The following LZTFL1 variants were observed in gnomAD, a reference collection of about 807,000 sequenced individuals.
LZTFL1 encodes leucine zipper transcription factor like 1.
Under a neutral mutation model 45.9 loss-of-function variants are expected in LZTFL1, and 25 were observed. That is an observed-to-expected ratio of 0.54 (90% confidence interval 0.40 to 0.76). The LOEUF is 0.76. LZTFL1 is among the 30% of genes least tolerant of loss of function. The pLI, the probability that LZTFL1 is intolerant of heterozygous loss-of-function variation, is 0.00. For missense variants in LZTFL1, 277 were observed against 331.1 expected (o/e 0.84, Z 1.27); for synonymous variants, 93 against 117.4 (o/e 0.79, Z 1.35).
chr3:45,881,069 A>G (rs1030647025), intron 2 of LZTFL1, among the ~76,000 whole-genome samples: 2 of 152,230 alleles, frequency 1.3e-5, no homozygotes, highest in East Asian at 3.8e-4. Context: ...TGAGACAAAT[A>G]AAAATAAAAA....
intron 3 of LZTFL1, among the ~76,000 whole-genome samples, chr3:45,857,645 T>C (rs1701415024): frequency 6.6e-6 from 1 of 152,248 alleles, no homozygotes; most frequent in Admixed American, 6.5e-5. Context: ...TTTAAATATT[T>C]AAAGTAAACA....
At chr3:45,909,412 C>A (rs537141074) in intron 2 of LZTFL1, among the ~76,000 whole-genome samples, 6 of 152,286 alleles carry the variant, frequency 3.9e-5, no homozygotes, top group Non-Finnish European at 7.4e-5. Flanking sequence ...ACATTCTGTC[C>A]ATTTTTGGTT....
At chr3:45,831,301 C>T (rs975814028) in intron 5 of LZTFL1, among the ~76,000 whole-genome samples, 163 bp from the exon 6 acceptor site, 1 of 152,232 alleles carries the variant, frequency 6.6e-6, no homozygotes. Context: ...TCCAGCCTAT[C>T]AGCCTCAGTA....
At chr3:45,833,744 T>G (rs536835618) in intron 4 of LZTFL1, among the ~76,000 whole-genome samples, 1 of 152,290 alleles carries the variant, frequency 6.6e-6, no homozygotes, top group South Asian at 2.1e-4. Context: ...AACAATGGAG[T>G]ATTTACGGTG....
chr3:45,897,216 TATGAGTGTGAGTC>T (rs1702383597), intron 2 of LZTFL1, among the ~76,000 whole-genome samples: 1 of 152,180 alleles, frequency 6.6e-6, no homozygotes, highest in Non-Finnish European at 1.5e-5. Flanking sequence ...TGTGCAAAAC[TATGAGTGTGAGTC>T]ATGACACAGG....
chr3:45,844,367 C>G (rs1265215522), upstream of LZTFL1, among the ~76,000 whole-genome samples: 1 of 151,946 alleles, frequency 6.6e-6, no homozygotes, highest in East Asian at 1.9e-4. Flanking sequence ...CCCAGCTGCC[C>G]CTGCACTATA....
chr3:45,868,246 A>G (rs940423779), intron 2 of LZTFL1, among the ~76,000 whole-genome samples: 2 of 151,166 alleles, frequency 1.3e-5, no homozygotes, highest in African/African-American at 4.8e-5. Context: ...GATTTTCCCC[A>G]GCTTTCTACT....
chr3:45,880,099 C>T (rs1469055962), intron 2 of LZTFL1, among the ~76,000 whole-genome samples: 1 of 152,172 alleles, frequency 6.6e-6, no homozygotes, highest in Non-Finnish European at 1.5e-5. Flanking sequence ...TGGCCTAGGC[C>T]AGCCCAGCCA....
chr3:45,912,139 T>C (rs1165026197), intron 2 of LZTFL1, among the ~76,000 whole-genome samples: 3 of 152,234 alleles, frequency 2.0e-5, no homozygotes, highest in African/African-American at 4.8e-5. Flanking sequence ...CAACCCACTT[T>C]GAACAAATCC....
intron 1 of LZTFL1, among the ~76,000 whole-genome samples, chr3:45,838,404 G>T (rs45558831): frequency 3.2e-4 from 48 of 152,216 alleles, no homozygotes; most frequent in Middle Eastern, 3.4e-3. Flanking sequence ...TGGGGGAGCC[G>T]CAAGATGAAA....
At position 45,826,294 on chromosome 3, in the gene LZTFL1, T is replaced by C. The variant is rs779503154; in HGVS notation, c.*20A>G. On this transcript the variant is annotated 3_prime_UTR_variant, in exon 10 of 10. Coordinates refer to ENST00000296135, the MANE Select transcript of LZTFL1 (RefSeq NM_020347.4). ...GCTTGTATGTTTGCATGTGGTAGCT[T>C]CCAGAGGAAATCTTCAGTTTTAATC... The C allele has an allele frequency of 1.2e-6, 2 of 1,611,294 alleles. No homozygotes were observed. The highest frequency in any genetic ancestry group is 2.2e-5 in the South Asian group (2 of 90,918).
At chr3:45,885,834 C>T (rs1275262977) in intron 2 of LZTFL1, among the ~76,000 whole-genome samples, 2 of 152,194 alleles carry the variant, frequency 1.3e-5, no homozygotes, top group Non-Finnish European at 2.9e-5. Flanking sequence ...ACCTCAGCTT[C>T]CCTGAGTATC....
chr3:45,851,210 T>C (rs1413766275), intron 4 of LZTFL1, among the ~76,000 whole-genome samples: 1 of 145,318 alleles, frequency 6.9e-6, no homozygotes, highest in Non-Finnish European at 1.5e-5. Context: ...CTAACTTGAT[T>C]GTGATTTAGC....
intron 2 of LZTFL1, among the ~76,000 whole-genome samples, chr3:45,866,109 C>T (rs1290499593): frequency 2.0e-5 from 3 of 152,094 alleles, no homozygotes; most frequent in African/African-American, 4.8e-5. Flanking sequence ...GAAAGCAGAT[C>T]GGTGGTTGAA....
chr3:45,826,222 G>C lies in LZTFL1; in HGVS notation c.*92C>G. The C allele has an allele frequency of 9.6e-7, 1 of 1,043,888 alleles. No homozygotes were observed. Among genetic ancestry groups the C allele is most frequent in the Non-Finnish European group, 1.5e-6 (1 of 680,284 alleles). 64.7% of individuals were successfully genotyped at this position (1,043,888 alleles called of 1,614,324 possible). A position where few individuals can be genotyped will look rare whatever the true frequency, so the allele number is the denominator to read the frequency against. On this transcript the variant is annotated 3_prime_UTR_variant, in exon 10 of 10. Coordinates refer to ENST00000296135, the MANE Select transcript of LZTFL1 (RefSeq NM_020347.4). ...TCTAAATATTAGAAAAATAAGGAGA[G>C]GGGATATGACAAAATGCTTTTCAAA...
rs202070482 is a variant in LZTFL1, at chr3:45,901,572, G to A, written c.-215+11548C>T. ...AAAAGTGACCATCACTGTCCTGACC[G>A]TCTTTGTCTTGTCTCAGTTTCCCTA... On this transcript the variant is annotated intron_variant, in intron 2 of 4. Transcript: ENST00000472635. The surrounding 1 kb of genome is among the most constrained non-coding windows in gnomAD (Gnocchi z 4.3). The A allele has an allele frequency of 3.2e-5, 51 of 1,614,172 alleles. No individual in the cohort carries two copies. The highest frequency in any genetic ancestry group is 3.1e-4 in the African/African-American group (23 of 75,054).
At chr3:45,882,829 A>T (rs1701886038) in intron 2 of LZTFL1, among the ~76,000 whole-genome samples, 1 of 148,688 alleles carries the variant, frequency 6.7e-6, no homozygotes, top group Non-Finnish European at 1.5e-5. Flanking sequence ...TATTATTATT[A>T]TTATTAACAT....
At chr3:45,858,118 A>G (rs1242074617) in intron 3 of LZTFL1, among the ~76,000 whole-genome samples, 1 of 152,248 alleles carries the variant, frequency 6.6e-6, no homozygotes, top group Non-Finnish European at 1.5e-5. Context: ...TCAATTTTCA[A>G]GAAGGAAAAT....
intron 5 of LZTFL1, among the ~76,000 whole-genome samples, chr3:45,832,115 G>A (rs189619216): frequency 7.9e-5 from 12 of 152,072 alleles, no homozygotes; most frequent in Admixed American, 5.9e-4. Flanking sequence ...GGCGCTACTC[G>A]GAGGCTGAGG....
Sources: allele counts gnomAD v4.1 joint callset (sites outside exome capture counted in the v4.1 genomes callset), GRCh38; gene constraint gnomAD v4.1.1; non-coding constraint Gnocchi (gnomAD v3.1); transcripts MANE v1.5; gene names NCBI Gene and HGNC (gene_info 2026-07-23, HGNC 2026-07-21).